The following ACVR1 variants were observed in gnomAD, a reference collection of about 807,000 sequenced individuals.
ACVR1 encodes the protein activin A receptor type 1.
Under a neutral mutation model 57.1 loss-of-function variants are expected in ACVR1, and 38 were observed. The ratio of observed to expected loss-of-function variants is 0.67; its 90% CI spans 0.51 to 0.87. The LOEUF is 0.87. Among genes scored for constraint, ACVR1 ranks in the 40% least tolerant of loss-of-function variants. The pLI is 0.00. For synonymous variants in ACVR1, 212 were observed against 228.1 expected, an observed-to-expected ratio of 0.93 and a Z score of 0.63; for missense variants, 463 against 638.2, an observed-to-expected ratio of 0.73 and a Z score of 2.96.
chr2:157,790,643 G>A (rs890609523), intron 3 of ACVR1, among the ~76,000 whole-genome samples: 2 of 152,162 alleles, frequency 1.3e-5, no homozygotes, highest in African/African-American at 4.8e-5. Flanking sequence ...ACAGTTCTAC[G>A]TTCGCACTAA....
chr2:157,853,471 C>A (rs1389446557), intron 1 of ACVR1, among the ~76,000 whole-genome samples: 1 of 152,220 alleles, frequency 6.6e-6, no homozygotes, highest in East Asian at 1.9e-4. Context: ...AAGACCTCAT[C>A]TCCAAATAGC....
intron 9 of ACVR1, among the ~76,000 whole-genome samples, chr2:157,759,620 G>C (rs1195144101): frequency 6.6e-6 from 1 of 151,838 alleles, no homozygotes; most frequent in Admixed American, 6.6e-5. Flanking sequence ...TACCAAACGA[G>C]ACAAGGAAAC....
intron 8 of ACVR1, among the ~76,000 whole-genome samples, chr2:157,764,145 G>C (rs192298233): frequency 2.6e-5 from 4 of 151,904 alleles, no homozygotes; most frequent in African/African-American, 9.7e-5. Context: ...GGTGAGGTGG[G>C]CTTATTTTTT....
intron 2 of ACVR1, among the ~76,000 whole-genome samples, chr2:157,817,895 A>G (rs11691093): frequency 0.9 from 137,095 of 151,772 alleles, 61,923 homozygotes; most frequent in Middle Eastern, 0.96. Flanking sequence ...CCAGCTACTC[A>G]AGAGGCTGAG....
At chr2:157,807,750 G>C (rs1407189043) in intron 2 of ACVR1, among the ~76,000 whole-genome samples, 1 of 150,492 alleles carries the variant, frequency 6.6e-6, no homozygotes, top group African/African-American at 2.4e-5. Flanking sequence ...TAACCTAACA[G>C]TGCAGACCTT....
intron 1 of ACVR1, among the ~76,000 whole-genome samples, chr2:157,868,328 A>G (rs1690009486): frequency 1.4e-5 from 2 of 143,008 alleles, no homozygotes; most frequent in South Asian, 4.5e-4. Context: ...ACTAAAAATG[A>G]AAAAAAAAAA....
intron 9 of ACVR1, among the ~76,000 whole-genome samples, chr2:157,738,775 GGAA>G (rs1559028744): frequency 6.6e-6 from 1 of 152,178 alleles, no homozygotes; most frequent in Non-Finnish European, 1.5e-5. Flanking sequence ...GCATGGTATT[GGAA>G]GAAGGATAAT....
At chr2:157,783,804 T>C (rs1329400655) in intron 3 of ACVR1, among the ~76,000 whole-genome samples, 1 of 152,234 alleles carries the variant, frequency 6.6e-6, no homozygotes, top group Non-Finnish European at 1.5e-5. Context: ...TCTTACTTTG[T>C]ATATTCCCAT....
chr2:157,832,131 T>TC (rs1688600846), intron 1 of ACVR1, among the ~76,000 whole-genome samples: 1 of 152,102 alleles, frequency 6.6e-6, no homozygotes, highest in South Asian at 2.1e-4. Flanking sequence ...GGAATGAACC[T>TC]AGGCATGTTA....
chr2:157,787,650 C>A (rs552649477), intron 3 of ACVR1, among the ~76,000 whole-genome samples: 4 of 152,272 alleles, frequency 2.6e-5, no homozygotes, highest in South Asian at 4.1e-4. Flanking sequence ...AAGCTCTGTT[C>A]GCGCCACAGG....
intron 1 of ACVR1, among the ~76,000 whole-genome samples, chr2:157,853,589 C>T (rs1203697091): frequency 6.6e-6 from 1 of 152,212 alleles, no homozygotes; most frequent in African/African-American, 2.4e-5. Context: ...AAAGCTGCTG[C>T]TCATAACCGT....
chr2:157,853,514 A>G (rs1574149629), intron 1 of ACVR1, among the ~76,000 whole-genome samples: 2 of 152,210 alleles, frequency 1.3e-5, no homozygotes, highest in Admixed American at 1.3e-4. Flanking sequence ...CAGCACATCA[A>G]TTGGGAAGGA....
intron 1 of ACVR1, among the ~76,000 whole-genome samples, chr2:157,845,611 C>A (rs1574141042): frequency 6.6e-6 from 1 of 152,144 alleles, no homozygotes; most frequent in Non-Finnish European, 1.5e-5. Context: ...CTTATGGCAG[C>A]CCTAGGAAGC....
In ACVR1 at chr2:157,737,536, A is replaced by T. The variant is rs747858448; in HGVS notation, c.1525T>A (p.Cys509Ser). Residue 509 changes from cysteine to serine, a missense_variant, in exon 11 of 11, where the codon TGT becomes AGT. Cys to Ser is a moderately radical substitution (Grantham distance 112, BLOSUM62 -1). Transcript: ENST00000434821. ...DNSLDKLKTDC is the reference protein window; with the variant it reads ...DNSLDKLKTDS ...TTCTTGACACTATGAAAATGTCAAC[A>T]GTCAGTTTTCAATTTGTCGAGGGAA... is the stretch of plus-strand genomic sequence containing the variant. 1.2e-6 allele frequency: 2 copies of T among 1,614,094 alleles called. No homozygotes were observed. Among genetic ancestry groups the T allele is most frequent in the Non-Finnish European group, 1.7e-6 (2 of 1,179,978 alleles).
intron 1 of ACVR1, among the ~76,000 whole-genome samples, chr2:157,820,799 T>C (rs553308008): frequency 1.8e-4 from 27 of 152,194 alleles, no homozygotes; most frequent in Non-Finnish European, 3.1e-4. Flanking sequence ...TTCTCTGCCA[T>C]GCACTGGGTT....
intron 9 of ACVR1, among the ~76,000 whole-genome samples, chr2:157,747,427 A>G (rs1426332542): frequency 6.6e-6 from 1 of 152,212 alleles, no homozygotes; most frequent in Non-Finnish European, 1.5e-5. Flanking sequence ...TGGAAACAGG[A>G]TATCTAACAA....
intron 1 of ACVR1, among the ~76,000 whole-genome samples, chr2:157,843,609 G>A (rs931664663): frequency 2.0e-5 from 3 of 152,084 alleles, no homozygotes; most frequent in African/African-American, 7.2e-5. Flanking sequence ...TGACACCATA[G>A]GCCATTCTTA....
intron 2 of ACVR1, among the ~76,000 whole-genome samples, chr2:157,800,831 G>T (rs1285724896): frequency 6.6e-6 from 1 of 151,946 alleles, no homozygotes; most frequent in East Asian, 1.9e-4. Flanking sequence ...ACACATCTCT[G>T]TACCTTTGGA....
Position 157,859,262 on chromosome 2 carries a change from C to T in ACVR1, c.-183+16534G>A, listed in dbSNP as rs140519592. ...GATGGTGACGAGAGTGACCTCTGGT[C>T]GTCCTCACTGCTATGCTCCCACCAG... On this transcript the variant is annotated intron_variant, in intron 1 of 10. Transcript: ENST00000434821. 1.7e-3 allele frequency among the ~76,000 whole-genome samples: 263 copies of T among 152,292 alleles called. 1 individual carries two copies. Among genetic ancestry groups the T allele is most frequent in the Non-Finnish European group, 2.3e-3 (156 of 68,036 alleles).
Sources: gnomAD v4.1 joint callset for allele counts (sites outside exome capture counted in the v4.1 genomes callset) on GRCh38, gnomAD v4.1.1 for gene constraint, MANE v1.5 for transcripts, NCBI Gene and HGNC (gene_info 2026-07-23, HGNC 2026-07-21) for gene names.